Variants in RNFT2 observed in about 807,000 individuals in gnomAD.
RNFT2 encodes the protein E3 ubiquitin-protein ligase RNFT2.
Under a neutral mutation model 53.0 loss-of-function variants are expected in RNFT2, and 36 were observed. That is an observed-to-expected ratio of 0.68 (90% CI 0.52 to 0.90). The LOEUF is 0.90. Among genes scored for constraint, RNFT2 ranks in the 40% least tolerant of loss-of-function variants. RNFT2 has a pLI of 0.00. For missense variants in RNFT2, 514 were observed against 585.6 expected, an observed-to-expected ratio of 0.88 and a Z score of 1.26; for synonymous variants, 260 against 253.2, an observed-to-expected ratio of 1.03 and a Z score of -0.26.
chr12:116,820,962 ACT>A (rs1232364734), intron 7 of RNFT2, among the ~76,000 whole-genome samples: 2 of 151,516 alleles, frequency 1.3e-5, no homozygotes, highest in African/African-American at 4.9e-5. Flanking sequence ...TGGGTCTCCC[ACT>A]CTGTTCTTCC....
At chr12:116,747,753 C>T (rs975999251) in intron 3 of RNFT2, among the ~76,000 whole-genome samples, 2 of 152,094 alleles carry the variant, frequency 1.3e-5, no homozygotes, top group African/African-American at 4.8e-5. Flanking sequence ...TCTTAGTGGT[C>T]TGTGGAGGTG....
rs144825117 is a variant in RNFT2 at position 116,828,932 on chromosome 12, G to A, written c.883-4860G>A. The stretch of plus-strand genomic sequence containing the variant: ...AGCCAAGCTGGCAGGAGGATCACTT[G>A]AGCCCAAGAGATGGAGACCAGCCTG... On this transcript the variant is annotated intron_variant, in intron 7 of 10. Transcript: ENST00000257575. 7.4e-3 allele frequency among the ~76,000 whole-genome samples: 1,126 copies of A among 151,958 alleles called. 10 individuals are homozygous for A. Among genetic ancestry groups the A allele is most frequent in the South Asian group, 0.025 (122 of 4,818 alleles).
At chr12:116,812,586 G>A (rs1427955462) in intron 7 of RNFT2, among the ~76,000 whole-genome samples, 7 of 151,150 alleles carry the variant, frequency 4.6e-5, no homozygotes, top group Admixed American at 4.0e-4. Context: ...CCAGGCTGGA[G>A]TTCAGTGGCG....
At position 116,853,010 on chromosome 12, in the gene RNFT2, G is replaced by T. The variant is rs889591123; in HGVS notation, c.*3562G>T. On this transcript the variant is annotated 3_prime_UTR_variant, in exon 11 of 11. Coordinates refer to ENST00000257575, the MANE Select transcript of RNFT2 (RefSeq NM_001382266.1). ...TGTGGGGGACACACAGGGGCAGATG[G>T]GATGGTTTAGTTTAGGATTTTATTA... 8.4e-6 allele frequency: 4 copies of T among 477,588 alleles called. No homozygotes were observed. The highest frequency in any genetic ancestry group is 1.1e-5 in the Non-Finnish European group (3 of 274,114). The allele number at this position is 477,588 out of a possible 1,614,324, so 29.6% of individuals were successfully genotyped here. A position where few individuals can be genotyped will look rare whatever the true frequency, so the allele number is the denominator to read the frequency against.
At chr12:116,829,438 G>C (rs371479059) in intron 7 of RNFT2, among the ~76,000 whole-genome samples, 2 of 152,136 alleles carry the variant, frequency 1.3e-5, no homozygotes, top group African/African-American at 4.8e-5. Context: ...GGGGAAAGGA[G>C]GGCCCTTTGG....
chr12:116,745,173 AT>A (rs10637816), intron 3 of RNFT2, among the ~76,000 whole-genome samples: 49 of 125,046 alleles, frequency 3.9e-4, no homozygotes, highest in African/African-American at 7.0e-4. Flanking sequence ...ATTGCACCAG[AT>A]TTTTTTTTTT....
chr12:116,748,696 G>A (rs1351349995), intron 3 of RNFT2: 1 of 451,858 alleles, frequency 2.2e-6, no homozygotes, highest in Admixed American at 2.4e-5. Context: ...GGGAACTGGG[G>A]GCCATTGAAC....
At chr12:116,824,535 T>A (rs1375745442) in intron 7 of RNFT2, among the ~76,000 whole-genome samples, 1 of 152,104 alleles carries the variant, frequency 6.6e-6, no homozygotes, top group Non-Finnish European at 1.5e-5. Context: ...GGTGTGGGAT[T>A]CCCCCTCATG....
chr12:116,775,098 T>C (rs1178006561), intron 6 of RNFT2, among the ~76,000 whole-genome samples: 1 of 151,808 alleles, frequency 6.6e-6, no homozygotes, highest in Non-Finnish European at 1.5e-5. Context: ...CTGTCTCTAC[T>C]AAAAATACAA....
intron 10 of RNFT2, among the ~76,000 whole-genome samples, chr12:116,840,109 G>C (rs1378997664): frequency 6.6e-6 from 1 of 152,192 alleles, no homozygotes; most frequent in African/African-American, 2.4e-5. Context: ...AAGAGTAAGA[G>C]TGCATTTAGA....
chr12:116,835,650 C>G (rs1046608567), intron 8 of RNFT2, among the ~76,000 whole-genome samples: 9 of 152,140 alleles, frequency 5.9e-5, no homozygotes, highest in Non-Finnish European at 2.9e-5. Context: ...TCAGGGTGGG[C>G]TGGGCTCAGA....
In RNFT2 at chr12:116,850,683, A is replaced by G. The variant is rs1394758861; in HGVS notation, c.*1235A>G. The stretch of plus-strand genomic sequence containing the variant: ...TGCTCTGTTGCCCAGGCTGGAGTGC[A>G]ATAGCACGATCTTGGCTCACTGCAA... On this transcript the variant is annotated 3_prime_UTR_variant, in exon 11 of 11. Transcript: ENST00000257575. 6.8e-6 allele frequency: 1 copy of G among 146,840 alleles called. No homozygotes were observed. Among genetic ancestry groups the G allele is most frequent in the Non-Finnish European group, 1.5e-5 (1 of 67,226 alleles). The allele number at this position is 146,840 out of a possible 1,614,324, so 9.1% of individuals were successfully genotyped here. A position where few individuals can be genotyped will look rare whatever the true frequency, so the allele number is the denominator to read the frequency against.
Position 116,852,556 on chromosome 12 carries a change from G to A in RNFT2, c.*3108G>A. 8 of 1,605,492 alleles carry A rather than the reference G, an allele frequency of 5.0e-6. No homozygotes were observed. Among genetic ancestry groups the A allele is most frequent in the Non-Finnish European group, 6.8e-6 (8 of 1,175,428 alleles). On this transcript the variant is annotated 3_prime_UTR_variant, in exon 11 of 11. Transcript: ENST00000257575. ...AGGGAAATGGGGCCATGTGAATGCA[G>A]CTGCTCTGTTCTCCCTACCCTGAGG... is the stretch of plus-strand genomic sequence containing the variant.
chr12:116,797,028 TAC>T (rs1874534894), intron 7 of RNFT2, among the ~76,000 whole-genome samples: 2 of 152,196 alleles, frequency 1.3e-5, no homozygotes, highest in African/African-American at 2.4e-5. Flanking sequence ...CTGAATATTC[TAC>T]AGTGCACAGG....
intron 7 of RNFT2, among the ~76,000 whole-genome samples, chr12:116,810,532 G>A (rs1444248423): frequency 6.6e-6 from 1 of 152,174 alleles, no homozygotes; most frequent in Non-Finnish European, 1.5e-5. Context: ...TGGTTGGTAT[G>A]AATTTGCTCA....
chr12:116,741,450 T>C (rs1457668567), intron 3 of RNFT2, among the ~76,000 whole-genome samples: 9 of 152,198 alleles, frequency 5.9e-5, no homozygotes, highest in African/African-American at 1.7e-4. Flanking sequence ...AAGTCCAAGA[T>C]GAAAGCTCCA....
At chr12:116,812,165 G>T (rs1051540001) in intron 7 of RNFT2, among the ~76,000 whole-genome samples, 2 of 152,150 alleles carry the variant, frequency 1.3e-5, no homozygotes, top group African/African-American at 4.8e-5. Context: ...GAGAGGTGGG[G>T]CAGAGACACA....
In RNFT2 at chr12:116,851,870, C is replaced by T. The variant is rs746417775; in HGVS notation, c.*2422C>T. ...CTGTCTTTATGTCTTTCTCCTCTTC[C>T]TATTCTGTCATCTCCCTCACTTAAG... On this transcript the variant is annotated 3_prime_UTR_variant, in exon 11 of 11. Coordinates refer to ENST00000257575, the MANE Select transcript of RNFT2 (RefSeq NM_001382266.1). The T allele has an allele frequency of 3.3e-6, 5 of 1,531,868 alleles. No individual in the cohort carries two copies. In the South Asian group the frequency reaches 4.8e-5, roughly 15 times the overall value. The allele number at this position is 1,531,868 out of a possible 1,614,324, so 94.9% of individuals were successfully genotyped here. A position where few individuals can be genotyped will look rare whatever the true frequency, so the allele number is the denominator to read the frequency against.
chr12:116,752,898 A>G (rs761227738), intron 4 of RNFT2, among the ~76,000 whole-genome samples: 6 of 152,094 alleles, frequency 3.9e-5, no homozygotes, highest in Non-Finnish European at 8.8e-5. Context: ...CAGTAAGTGC[A>G]TCAGGTGAAA....
Sources: allele counts gnomAD v4.1 joint callset (sites outside exome capture counted in the v4.1 genomes callset), GRCh38; gene constraint gnomAD v4.1.1; transcripts MANE v1.5; gene names NCBI Gene and HGNC (gene_info 2026-07-23, HGNC 2026-07-21).